AGAP3: variants seen among roughly 807,000 people sequenced by gnomAD.
AGAP3 encodes ArfGAP with GTPase domain, ankyrin repeat and PH domain 3.
In AGAP3, 24 loss-of-function variants were observed where a neutral mutation model predicts 96.9. That is an observed-to-expected ratio of 0.25 (90% confidence interval 0.18 to 0.35). The LOEUF (loss-of-function observed/expected upper bound fraction) is 0.35. Ranked by LOEUF, AGAP3 falls within the 10% of genes least tolerant of loss-of-function variation. The pLI is 1.00. For synonymous variants in AGAP3, 563 were observed against 536.1 expected (o/e 1.05, Z -0.69); for missense variants, 876 against 1,254.2 (o/e 0.70, Z 4.55).
chr7:151,099,902 CTG>C (rs748890730), intron 1 of AGAP3, among the ~76,000 whole-genome samples: 115 of 152,340 alleles, frequency 7.5e-4, no homozygotes, highest in Non-Finnish European at 1.3e-3. Context: ...CTCTTGGAAA[CTG>C]TGTTGCACAG....
intron 1 of AGAP3, among the ~76,000 whole-genome samples, chr7:151,087,677 C>T (rs1798215782): frequency 6.6e-6 from 1 of 152,222 alleles, no homozygotes; most frequent in Non-Finnish European, 1.5e-5. Context: ...ATGAGCCTGA[C>T]GGGGATCCGC....
At chr7:151,109,102 T>C (rs554584541) in intron 1 of AGAP3, among the ~76,000 whole-genome samples, 7 of 151,646 alleles carry the variant, frequency 4.6e-5, no homozygotes, top group African/African-American at 1.5e-4. Context: ...TCAAGGCCAG[T>C]TGATCACTTG....
At chr7:151,116,016 G>C (rs1402849860) in intron 1 of AGAP3, among the ~76,000 whole-genome samples, 1 of 152,220 alleles carries the variant, frequency 6.6e-6, no homozygotes, top group African/African-American at 2.4e-5. Flanking sequence ...ACTTGGGACA[G>C]TGCCTCTGGG....
At chr7:151,129,250 G>T (rs1170703983) in intron 10 of AGAP3, among the ~76,000 whole-genome samples, 2 of 151,800 alleles carry the variant, frequency 1.3e-5, no homozygotes, top group Non-Finnish European at 1.5e-5. Flanking sequence ...CCAGCACACA[G>T]CTGTCACCGG....
chr7:151,089,293 G>A (rs377612210), intron 1 of AGAP3, among the ~76,000 whole-genome samples: 1 of 152,208 alleles, frequency 6.6e-6, no homozygotes, highest in African/African-American at 2.4e-5. Context: ...TGCGAGGAGG[G>A]AGAGGCGCAG....
rs1444422133 is a variant in AGAP3, at chr7:151,115,343, C to T, written c.332-1450C>T. ...TGGCGGCGCTCAGGAAGAGCTTCAG[C>T]TTCCGCCTGCGCCGCGGCCAGGAGG... is the stretch of plus-strand genomic sequence containing the variant. On this transcript the variant is annotated intron_variant, in intron 1 of 17. Coordinates refer to ENST00000397238, the MANE Select transcript of AGAP3 (RefSeq NM_031946.7). The T allele has an allele frequency of 1.8e-5, 18 of 1,019,032 alleles. No homozygotes were observed. In the South Asian group the frequency reaches 4.5e-4, roughly 25 times the overall value. The allele number at this position is 1,019,032 out of a possible 1,614,324, so 63.1% of individuals were successfully genotyped here. A position where few individuals can be genotyped will look rare whatever the true frequency, so the allele number is the denominator to read the frequency against.
Position 151,120,156 on chromosome 7 carries a change from G to T in AGAP3, c.1128+11G>T. The T allele has an allele frequency of 6.3e-7, 1 of 1,584,548 alleles. No homozygotes were observed. Among genetic ancestry groups the T allele is most frequent in the African/African-American group, 1.3e-5 (1 of 74,574 alleles). On this transcript the variant is annotated intron_variant, in intron 8 of 17. Transcript: ENST00000397238. ...TCCAACATCTTCACGGTACGTGACT[G>T]CCCTCCTCCCCCGCCCAGCTGCCTT...
At chr7:151,100,458 C>A (rs763337448) in intron 1 of AGAP3, among the ~76,000 whole-genome samples, 4 of 152,226 alleles carry the variant, frequency 2.6e-5, no homozygotes, top group Non-Finnish European at 5.9e-5. Context: ...TCTCTCCCAG[C>A]AGCTACGCCA....
chr7:151,128,898 G>A (rs924312691), intron 10 of AGAP3, among the ~76,000 whole-genome samples: 1 of 152,212 alleles, frequency 6.6e-6, no homozygotes, highest in Non-Finnish European at 1.5e-5. Context: ...CGGTCAAGCT[G>A]TATATCCGAC....
intron 8 of AGAP3, chr7:151,122,611 A>T: frequency 8.4e-7 from 1 of 1,192,016 alleles, no homozygotes; most frequent in South Asian, 1.4e-5. Flanking sequence ...CCTCCTCTTC[A>T]TCCCGCTGCC....
rs1563425383 is a variant in AGAP3 at position 151,096,023 on chromosome 7, CT to C, written c.331+8952del. On this transcript the variant is annotated intron_variant, in intron 1 of 17. Coordinates refer to ENST00000397238, the MANE Select transcript of AGAP3 (RefSeq NM_031946.7). This position sits in a 1 kb window ranked among gnomAD's most constrained non-coding sequence, Gnocchi z 4.4. ...TGACCTCGGGTGAGTTCCTTAACCC[CT>C]CTGTGTCTTAGCTTCGCCATTGGTA... Among the ~76,000 whole-genome samples, 1 of 152,202 alleles carries C rather than the reference CT, an allele frequency of 6.6e-6. No individual in the cohort carries two copies. The highest frequency in any genetic ancestry group is 6.5e-5 in the Admixed American group (1 of 15,286).
rs1223477962 is a variant in AGAP3 at position 151,114,631 on chromosome 7, G to A, written c.332-2162G>A. 19 of 810,068 alleles carry A rather than the reference G, an allele frequency of 2.3e-5. No homozygotes were observed. The highest frequency in any genetic ancestry group is 5.6e-5 in the South Asian group (1 of 17,774). 50.2% of individuals were successfully genotyped at this position (810,068 alleles called of 1,614,324 possible). A position where few individuals can be genotyped will look rare whatever the true frequency, so the allele number is the denominator to read the frequency against. On this transcript the variant is annotated intron_variant, in intron 1 of 17. Coordinates refer to ENST00000397238, the MANE Select transcript of AGAP3 (RefSeq NM_031946.7). This position sits in a 1 kb window ranked among gnomAD's most constrained non-coding sequence, Gnocchi z 4.4. Reference sequence around the variant, plus strand: ...CCAGGTCTGGGCTTGCCGGCCGCGAGGTGGAGGAGTTGAGGGACTCGGTCG... The same window carrying A: ...CCAGGTCTGGGCTTGCCGGCCGCGAAGTGGAGGAGTTGAGGGACTCGGTCG...
chr7:151,125,517 G>A (rs1800118243), intron 9 of AGAP3, among the ~76,000 whole-genome samples: 1 of 152,240 alleles, frequency 6.6e-6, no homozygotes, highest in Admixed American at 6.5e-5. Context: ...CCAGCTGGGG[G>A]CAGGTGTCAG....
rs1217543825 is a variant in AGAP3 at position 151,096,896 on chromosome 7, A to C, written c.331+9824A>C. On this transcript the variant is annotated intron_variant, in intron 1 of 17. Transcript: ENST00000397238. The surrounding 1 kb of genome is among the most constrained non-coding windows in gnomAD (Gnocchi z 4.4). Reference sequence around the variant, plus strand: ...CGAGTTCAAGCAATTCTCGTGCCTCAGCCTCCCAAGGCACATGCCTTGGGA... The same window carrying C: ...CGAGTTCAAGCAATTCTCGTGCCTCCGCCTCCCAAGGCACATGCCTTGGGA... Among the ~76,000 whole-genome samples, 1 of 152,120 alleles carries C rather than the reference A, an allele frequency of 6.6e-6. No individual in the cohort carries two copies. The highest frequency in any genetic ancestry group is 1.9e-4 in the East Asian group (1 of 5,166).
rs568544488 is a variant in AGAP3, at chr7:151,142,157, C to T, written c.1960-6C>T. 1.8e-5 allele frequency: 29 copies of T among 1,613,434 alleles called. No individual in the cohort carries two copies. The highest frequency in any genetic ancestry group is 1.7e-4 in the Middle Eastern group (1 of 6,060). ...CCCTTGTCTTGTCTCTCCTGCTGTGCGACAGACTCGACTGGGGAACCAGAA... is the reference window on the plus strand; with the variant it reads ...CCCTTGTCTTGTCTCTCCTGCTGTGTGACAGACTCGACTGGGGAACCAGAA... On this transcript the variant is annotated splice_region_variant and splice_polypyrimidine_tract_variant and intron_variant, in intron 14 of 17. Transcript: ENST00000397238. The surrounding 1 kb of genome is among the most constrained non-coding windows in gnomAD (Gnocchi z 7.5).
chr7:151,139,980 C>T lies in AGAP3; in HGVS notation c.1668C>T (p.Ala556=), dbSNP rs200125048. 315 of 1,561,116 alleles carry T rather than the reference C, an allele frequency of 2.0e-4. No individual in the cohort carries two copies. The highest frequency in any genetic ancestry group is 2.6e-4 in the Non-Finnish European group (304 of 1,155,314). ...CTTCTCCAACTCTCCCCTCACCAGC[C>T]AGTGGCCCAGCTGAGGTACTCAGTT... The part of the protein sequence containing the change: ...TSLPPGMQHP[A]SGPAEVLSSS... The change falls in exon 13 of 18, where the codon GCC becomes GCT. Residue 556 remains alanine, a splice_region_variant and synonymous_variant. Transcript: ENST00000397238. This position sits in a 1 kb window ranked among gnomAD's most constrained non-coding sequence, Gnocchi z 4.9.
chr7:151,115,428 G>C (rs1183459244), intron 1 of AGAP3: 3 of 1,009,908 alleles, frequency 3.0e-6, no homozygotes, highest in African/African-American at 1.7e-5. Flanking sequence ...CCGTAGCGAC[G>C]GCGACGCCGG....
At chr7:151,123,057 C>T in intron 8 of AGAP3, 7 of 1,281,732 alleles carry the variant, frequency 5.5e-6, no homozygotes, top group South Asian at 1.9e-5. Flanking sequence ...CCGGCGCTGG[C>T]CAGCGCGACG....
chr7:151,138,203 C>T lies in AGAP3; in HGVS notation c.1556C>T (p.Ala519Val). 1 of 1,611,226 alleles carries T rather than the reference C, an allele frequency of 6.2e-7. No individual in the cohort carries two copies. The change falls in exon 12 of 18, where the codon GCC becomes GTC. Residue 519 changes from alanine (A) to valine (V), a missense_variant. Ala to Val is a moderately conservative substitution (Grantham distance 64). This residue lies in a region of AGAP3 where 155 missense variants were observed against 144.4 expected (regional missense o/e 1.07). Transcript: ENST00000397238. ...LHSERPLSSSAWAGPRPEGLH... is the reference protein window; with the variant it reads ...LHSERPLSSSVWAGPRPEGLH... ...TCTGAGCGCCCCCTCAGCAGCTCGG[C>T]CTGGGCTGGCCCGCGCCCTGAGGGG...
Sources: allele counts gnomAD v4.1 joint callset (sites outside exome capture counted in the v4.1 genomes callset), GRCh38; gene constraint gnomAD v4.1.1; regional missense constraint gnomAD v4.1.1; non-coding constraint Gnocchi (gnomAD v3.1); transcripts MANE v1.5; gene names NCBI Gene and HGNC (gene_info 2026-07-23, HGNC 2026-07-21).